CAMK2B: variants seen among roughly 807,000 people sequenced by gnomAD.
The protein encoded by CAMK2B is calcium/calmodulin dependent protein kinase II beta.
CAMK2B carries 27 observed loss-of-function variants against 93.7 expected under a neutral mutation model. The observed-to-expected ratio is 0.29, with a 90% CI of 0.21 to 0.40. The LOEUF (loss-of-function observed/expected upper bound fraction) is 0.40, where lower values mean the gene tolerates loss of function less well. CAMK2B is among the 10% of genes least tolerant of loss of function. The pLI is 1.00. For missense variants in CAMK2B, 568 were observed against 895.8 expected (o/e 0.63, Z 4.67); for synonymous variants, 374 against 358.8 (o/e 1.04, Z -0.48).
At chr7:44,276,439 C>T (rs2097043533) in intron 2 of CAMK2B, among the ~76,000 whole-genome samples, 1 of 152,174 alleles carries the variant, frequency 6.6e-6, no homozygotes, top group Non-Finnish European at 1.5e-5. Context: ...CCCCCGCCAC[C>T]CACTGCACAA....
rs372359321 is a variant in CAMK2B at position 44,225,118 on chromosome 7, G to A, written c.1597+1398C>T. Among the ~76,000 whole-genome samples the A allele has an allele frequency of 1.0e-3, 154 of 152,060 alleles. 1 individual carries two copies. The highest frequency in any genetic ancestry group is 3.4e-3 in the African/African-American group (143 of 41,456). ...AAGGTGAGCCTGGACACCGAGCCCC[G>A]AGCTGGCCACTCCACACCCACCCTG... On this transcript the variant is annotated intron_variant, in intron 20 of 23. Coordinates refer to ENST00000395749, the MANE Select transcript of CAMK2B (RefSeq NM_001220.5). The surrounding 1 kb of genome is among the most constrained non-coding windows in gnomAD (Gnocchi z 5.0).
intron 17 of CAMK2B, 171 bp from the exon 18 acceptor site, chr7:44,229,672 G>A (rs943097923): frequency 2.0e-6 from 1 of 495,078 alleles, no homozygotes; most frequent in Non-Finnish European, 3.5e-6. Flanking sequence ...GGCCTGTGGT[G>A]GCCGCAGCAG....
intron 20 of CAMK2B, among the ~76,000 whole-genome samples, chr7:44,222,322 C>T (rs767649790): frequency 6.6e-6 from 1 of 152,330 alleles, no homozygotes; most frequent in Non-Finnish European, 1.5e-5. Flanking sequence ...CCCTGCAGGA[C>T]ACCATTTTCA....
Position 44,320,072 on chromosome 7 carries a change from G to GGT in CAMK2B, c.65+5283_65+5284dup, listed in dbSNP as rs749647617. Among the ~76,000 whole-genome samples the GGT allele has an allele frequency of 1.1e-4, 16 of 151,942 alleles. 1 individual carries two copies. The highest frequency in any genetic ancestry group is 2.1e-4 in the Non-Finnish European group (14 of 67,974). ...TACGGCACGTACTTCTGTATTACTTGGTGTGTGTGTGTATGTGTCTGTGTG... is the reference window on the plus strand; with the variant it reads ...TACGGCACGTACTTCTGTATTACTTGGTGTGTGTGTGTGTATGTGTCTGTGTG... On this transcript the variant is annotated intron_variant, in intron 1 of 23. Transcript: ENST00000395749.
chr7:44,242,704 C>T, intron 8 of CAMK2B, 50 bp from the exon 9 acceptor site: 1 of 1,271,500 alleles, frequency 7.9e-7, no homozygotes, highest in Non-Finnish European at 1.1e-6. Flanking sequence ...GTGCCACCGT[C>T]CATGAAGCCC....
In CAMK2B at chr7:44,280,186, G is replaced by T. The variant is rs182107193; in HGVS notation, c.160+3945C>A. Among the ~76,000 whole-genome samples the T allele has an allele frequency of 4.2e-3, 642 of 152,374 alleles. 5 individuals are homozygous for T. The highest frequency in any genetic ancestry group is 0.015 in the African/African-American group (609 of 41,598). Reference sequence around the variant, plus strand: ...GGCCAGGAAGCCCTGGGTCTGACATGCCCCATGGTCCCTGGCCGAGGAGAA... The same window carrying T: ...GGCCAGGAAGCCCTGGGTCTGACATTCCCCATGGTCCCTGGCCGAGGAGAA... On this transcript the variant is annotated intron_variant, in intron 2 of 23. Transcript: ENST00000395749.
chr7:44,275,674 C>T (rs1485123618), intron 2 of CAMK2B, among the ~76,000 whole-genome samples: 1 of 152,228 alleles, frequency 6.6e-6, no homozygotes, highest in Non-Finnish European at 1.5e-5. Flanking sequence ...GCTTATTTTA[C>T]ATCTTTTGAT....
At position 44,236,761 on chromosome 7, in the gene CAMK2B, T is replaced by C. The variant is rs377535189; in HGVS notation, c.1022-2085A>G. Among the ~76,000 whole-genome samples, 9 of 152,204 alleles carry C rather than the reference T, an allele frequency of 5.9e-5. No homozygotes were observed. In the East Asian group the frequency reaches 1.4e-3, roughly 23 times the overall value. On this transcript the variant is annotated intron_variant, in intron 13 of 23. Transcript: ENST00000395749. Reference sequence around the variant, plus strand: ...CTCTCAGCTCCCCTCCCATCTCCAGTACACACAACTCATCCCAGAAACACC... The same window carrying C: ...CTCTCAGCTCCCCTCCCATCTCCAGCACACACAACTCATCCCAGAAACACC...
intron 12 of CAMK2B, among the ~76,000 whole-genome samples, chr7:44,240,073 C>A (rs1249133294): frequency 6.6e-6 from 1 of 152,160 alleles, no homozygotes; most frequent in East Asian, 1.9e-4. Flanking sequence ...CGCTCGCACA[C>A]GGAGTGTCGG....
chr7:44,308,106 A>G (rs1373125171), intron 1 of CAMK2B, among the ~76,000 whole-genome samples: 1 of 152,174 alleles, frequency 6.6e-6, no homozygotes, highest in Non-Finnish European at 1.5e-5. Context: ...CCTCACCCAC[A>G]CGGGATGTGC....
At chr7:44,324,683 C>G (rs527668328) in intron 1 of CAMK2B, among the ~76,000 whole-genome samples, 1 of 152,280 alleles carries the variant, frequency 6.6e-6, no homozygotes, top group South Asian at 2.1e-4. Context: ...TCCAGTCAGG[C>G]TCTTAGTCTC....
Position 44,218,978 on chromosome 7 carries a change from G to A in CAMK2B, c.*547C>T, listed in dbSNP as rs2096364673. 1 of 152,436 alleles carries A rather than the reference G, an allele frequency of 6.6e-6. No individual in the cohort carries two copies. Among genetic ancestry groups the A allele is most frequent in the African/African-American group, 2.4e-5 (1 of 41,460 alleles). 9.4% of individuals were successfully genotyped at this position (152,436 alleles called of 1,614,324 possible). ...ACTCTCAGGCACAACTAGCGGGAAA[G>A]GAGGCAGCCCAGCGGGCCCCCACAG... is the stretch of plus-strand genomic sequence containing the variant. On this transcript the variant is annotated 3_prime_UTR_variant, in exon 24 of 24. Transcript: ENST00000395749.
At chr7:44,241,588 G>T in intron 11 of CAMK2B, 112 bp downstream of exon 11, 1 of 783,174 alleles carries the variant, frequency 1.3e-6, no homozygotes, top group Non-Finnish European at 2.2e-6. Flanking sequence ...AGTCAGTCTT[G>T]GGGGCAGCAG....
intron 3 of CAMK2B, among the ~76,000 whole-genome samples, chr7:44,261,603 G>A (rs890413655): frequency 6.6e-6 from 1 of 152,164 alleles, no homozygotes; most frequent in Non-Finnish European, 1.5e-5. Flanking sequence ...TGGAGCACTG[G>A]GGGTCTGTGT....
chr7:44,230,855 C>T (rs1467584468), intron 17 of CAMK2B, 151 bp downstream of exon 17: 3 of 621,720 alleles, frequency 4.8e-6, no homozygotes. Flanking sequence ...AGGCTTGGAG[C>T]AGGATTACAG....
At chr7:44,302,354 C>G (rs1431332364) in intron 1 of CAMK2B, among the ~76,000 whole-genome samples, 1 of 152,192 alleles carries the variant, frequency 6.6e-6, no homozygotes, top group Non-Finnish European at 1.5e-5. Context: ...TCTCTAAAAT[C>G]TCTTTTAGAA....
At chr7:44,241,560 A>C in intron 11 of CAMK2B, 140 bp downstream of exon 11, 2 of 684,390 alleles carry the variant, frequency 2.9e-6, no homozygotes, top group Middle Eastern at 5.4e-4. Context: ...TGATGCATCC[A>C]GTCTGGGACT....
At chr7:44,228,684 C>T (rs114777453) in intron 19 of CAMK2B, 112 bp downstream of exon 19, 10 of 1,053,360 alleles carry the variant, frequency 9.5e-6, no homozygotes, top group East Asian at 6.5e-5. Flanking sequence ...CAGGCTGCGG[C>T]GCCGGGGCAG....
chr7:44,305,132 T>A (rs1170408944), intron 1 of CAMK2B, among the ~76,000 whole-genome samples: 2 of 152,142 alleles, frequency 1.3e-5, no homozygotes, highest in Admixed American at 1.3e-4. Context: ...CCTGGAGCTG[T>A]CATCACCCCG....
Sources: allele counts gnomAD v4.1 joint callset (sites outside exome capture counted in the v4.1 genomes callset), GRCh38; gene constraint gnomAD v4.1.1; non-coding constraint Gnocchi (gnomAD v3.1); transcripts MANE v1.5; gene names NCBI Gene and HGNC (gene_info 2026-07-23, HGNC 2026-07-21).